PSD3: variants seen among roughly 807,000 people sequenced by gnomAD.
The protein encoded by PSD3 is PH and SEC7 domain-containing protein 3.
Under a neutral mutation model 105.5 loss-of-function variants are expected in PSD3, and 49 were observed. The ratio of observed to expected loss-of-function variants is 0.46; its 90% confidence interval spans 0.37 to 0.59. The LOEUF (loss-of-function observed/expected upper bound fraction) is 0.59. Among genes scored for constraint, PSD3 ranks in the 20% least tolerant of loss-of-function variants. The pLI is 0.00. For missense variants in PSD3, 1,561 were observed against 1,263.8 expected (o/e 1.24, Z -3.57); for synonymous variants, 557 against 457.8 (o/e 1.22, Z -2.77).
At chr8:18,828,049 A>G (rs62498300) in intron 4 of PSD3, among the ~76,000 whole-genome samples, 1,576 of 109,174 alleles carry the variant, frequency 0.014, 14 homozygotes, top group Non-Finnish European at 0.018. Flanking sequence ...ATATATATGT[A>G]TATATATATA....
intron 4 of PSD3, among the ~76,000 whole-genome samples, chr8:18,831,925 A>T (rs1813712586): frequency 6.6e-6 from 1 of 152,192 alleles, no homozygotes; most frequent in African/African-American, 2.4e-5. Flanking sequence ...AAGTATGGGA[A>T]GAAAGGTAAG....
chr8:19,040,062 C>G (rs7820592), intron 1 of PSD3, among the ~76,000 whole-genome samples: 4 of 152,038 alleles, frequency 2.6e-5, no homozygotes, highest in African/African-American at 7.3e-5. Flanking sequence ...ATGCACCACA[C>G]AAACATGAAC....
intron 9 of PSD3, among the ~76,000 whole-genome samples, chr8:18,724,707 T>C (rs1803227889): frequency 6.6e-6 from 1 of 152,130 alleles, no homozygotes; most frequent in African/African-American, 2.4e-5. Flanking sequence ...TGTGGGCACG[T>C]AATTCCTCAT....
At chr8:18,678,220 A>G (rs1800179680) in intron 9 of PSD3, among the ~76,000 whole-genome samples, 1 of 152,178 alleles carries the variant, frequency 6.6e-6, no homozygotes, top group Non-Finnish European at 1.5e-5. Context: ...TTCAAATGCC[A>G]GGATTAGAAC....
chr8:18,945,708 G>T lies in PSD3; in HGVS notation c.22-9566C>A, dbSNP rs146510369. ...AACCATAAGTCAGCTGGGCGTGGTG[G>T]CTCACACCTGTAATCCCAGCACTTT... On this transcript the variant is annotated intron_variant, in intron 1 of 15. Coordinates refer to ENST00000327040, the MANE Select transcript of PSD3 (RefSeq NM_015310.4). Among the ~76,000 whole-genome samples the T allele has an allele frequency of 2.9e-3, 439 of 152,324 alleles. 2 individuals are homozygous for T. The highest frequency in any genetic ancestry group is 0.01 in the African/African-American group (424 of 41,560).
At chr8:18,713,675 G>A (rs975297959) in intron 9 of PSD3, among the ~76,000 whole-genome samples, 1 of 152,200 alleles carries the variant, frequency 6.6e-6, no homozygotes, top group Non-Finnish European at 1.5e-5. Flanking sequence ...TGGATAGTAA[G>A]GATCAGTATC....
At chr8:18,874,470 T>C (rs1169265897) in intron 2 of PSD3, among the ~76,000 whole-genome samples, 1 of 152,070 alleles carries the variant, frequency 6.6e-6, no homozygotes, top group African/African-American at 2.4e-5. Context: ...TGGCCATTGT[T>C]ACCATTTTTA....
intron 11 of PSD3, among the ~76,000 whole-genome samples, chr8:18,620,097 C>T (rs1805993111): frequency 6.6e-6 from 1 of 152,160 alleles, no homozygotes; most frequent in South Asian, 2.1e-4. Flanking sequence ...TCAAGCATTC[C>T]TGTCTACTCT....
intron 9 of PSD3, among the ~76,000 whole-genome samples, chr8:18,752,528 AATT>A (rs1805612664): frequency 2.0e-5 from 1 of 49,408 alleles, no homozygotes; most frequent in African/African-American, 1.0e-4. Context: ...TAATATATAT[AATT>A]ATATATTATA....
chr8:19,022,163 A>T (rs77108577), intron 1 of PSD3, among the ~76,000 whole-genome samples: 1 of 152,124 alleles, frequency 6.6e-6, no homozygotes, highest in Admixed American at 6.5e-5. Context: ...GAACTCACTT[A>T]TCACCAGGAG....
chr8:18,676,287 C>T (rs1411111310), intron 9 of PSD3, among the ~76,000 whole-genome samples: 1 of 152,142 alleles, frequency 6.6e-6, no homozygotes, highest in Admixed American at 6.5e-5. Context: ...TGTTCAAATA[C>T]AGTCTACTCA....
chr8:19,061,349 A>G (rs1828888509), intron 1 of PSD3, among the ~76,000 whole-genome samples: 1 of 152,188 alleles, frequency 6.6e-6, no homozygotes, highest in African/African-American at 2.4e-5. Context: ...ATAGTGAAAA[A>G]TTTAATCACT....
intron 4 of PSD3, among the ~76,000 whole-genome samples, chr8:18,813,467 T>C (rs977486956): frequency 2.0e-5 from 3 of 152,160 alleles, no homozygotes; most frequent in African/African-American, 4.8e-5. Context: ...TGGGAGAGGC[T>C]AGAGCACTCA....
chr8:18,868,223 T>G (rs1005566666), intron 3 of PSD3, among the ~76,000 whole-genome samples, 154 bp from the exon 4 acceptor site: 5 of 152,206 alleles, frequency 3.3e-5, no homozygotes, highest in African/African-American at 9.6e-5. Context: ...CTATGAAATA[T>G]AATCAGGTTG....
intron 1 of PSD3, among the ~76,000 whole-genome samples, chr8:18,941,043 C>A (rs1822505643): frequency 6.6e-6 from 1 of 152,160 alleles, no homozygotes; most frequent in Non-Finnish European, 1.5e-5. Flanking sequence ...CTGATCTCTC[C>A]AATAATTAAT....
intron 2 of PSD3, among the ~76,000 whole-genome samples, chr8:18,922,287 G>A (rs1429432236): frequency 6.6e-6 from 1 of 152,072 alleles, no homozygotes; most frequent in East Asian, 1.9e-4. Context: ...TAAAAGGCAA[G>A]CTCTCCAATA....
intron 2 of PSD3, among the ~76,000 whole-genome samples, chr8:18,935,416 C>A (rs1368000004): frequency 2.0e-5 from 3 of 151,242 alleles, no homozygotes; most frequent in African/African-American, 7.3e-5. Flanking sequence ...TGGCTCACAT[C>A]TGTAAACTCA....
chr8:18,534,083 A>G lies in PSD3; in HGVS notation c.*1660T>C, dbSNP rs1016317657. 2.0e-5 allele frequency: 3 copies of G among 152,348 alleles called. No homozygotes were observed. The highest frequency in any genetic ancestry group is 1.3e-4 in the Admixed American group (2 of 15,298). The allele number at this position is 152,348 out of a possible 1,614,324, so 9.4% of individuals were successfully genotyped here. On this transcript the variant is annotated 3_prime_UTR_variant, in exon 16 of 16. Transcript: ENST00000327040. The stretch of plus-strand genomic sequence containing the variant: ...TGTAAATAAATGCTAGTACATCATA[A>G]TAACATACCACTTAGACACTACCAT...
exon 1 of PSD3, chr8:19,084,620 G>A: frequency 2.9e-6 from 1 of 350,242 alleles, no homozygotes; most frequent in Non-Finnish European, 5.7e-6. Context: ...TGTGATGTGG[G>A]GATCTGCAAT....
Sources: gnomAD v4.1 joint callset for allele counts (sites outside exome capture counted in the v4.1 genomes callset) on GRCh38, gnomAD v4.1.1 for gene constraint, MANE v1.5 for transcripts, NCBI Gene and HGNC (gene_info 2026-07-23, HGNC 2026-07-21) for gene names.